DMD: variants seen among roughly 807,000 people sequenced by gnomAD.
DMD encodes the protein mutant dystrophin.
Under a neutral mutation model 330.1 loss-of-function variants are expected in DMD, and 63 were observed. The ratio of observed to expected loss-of-function variants is 0.19; its 90% confidence interval spans 0.16 to 0.24. DMD has a LOEUF of 0.24. DMD is among the 10% of genes least tolerant of loss of function. DMD has a pLI of 1.00. For synonymous variants in DMD, 1,223 were observed against 959.8 expected, an observed-to-expected ratio of 1.27 and a Z score of -5.07; for missense variants, 3,344 against 2,684.1, an observed-to-expected ratio of 1.25 and a Z score of -5.43.
In DMD at chrX:31,321,637, A is replaced by G. The variant is rs1051904383; in HGVS notation, c.9224+1961T>C. On this transcript the variant is annotated intron_variant, in intron 62 of 78. Coordinates refer to ENST00000357033, the MANE Select transcript of DMD (RefSeq NM_004006.3). ...AAAGAAACCAAGATTTTTATAGGTT[A>G]AGTGACTTGCCTAAAGCCATACAGT... is the stretch of plus-strand genomic sequence containing the variant. Among the ~76,000 whole-genome samples, 6 of 91,207 alleles carry G rather than the reference A, an allele frequency of 6.6e-5. 1 individual carries two copies. Among genetic ancestry groups the G allele is most frequent in the Admixed American group, 5.5e-4 (5 of 9,153 alleles). 79.2% of individuals were successfully genotyped at this position (91,207 alleles called of 115,157 possible).
chrX:32,076,104 G>A (rs1466023974), intron 44 of DMD, among the ~76,000 whole-genome samples: 1 of 87,738 alleles, frequency 1.1e-5, no homozygotes, highest in Admixed American at 1.4e-4. Flanking sequence ...GAGAGAGAGA[G>A]AGAAGTTATT....
At chrX:31,122,395 A>G (rs943610518) in intron 78 of DMD, among the ~76,000 whole-genome samples, 5 of 110,455 alleles carry the variant, frequency 4.5e-5, no homozygotes, top group African/African-American at 1.6e-4. Flanking sequence ...CACCACCTTC[A>G]CAACTACCAC....
intron 2 of DMD, among the ~76,000 whole-genome samples, chrX:32,886,794 T>C (rs928022270): frequency 8.9e-6 from 1 of 112,055 alleles, no homozygotes. Context: ...AAAAACTAAA[T>C]GCCTAACTTT....
At chrX:31,223,895 T>C (rs67470011) in intron 63 of DMD, among the ~76,000 whole-genome samples, 19,348 of 112,117 alleles carry the variant, frequency 0.17, 1,733 homozygotes, top group African/African-American at 0.35. Flanking sequence ...AGGAATAAAA[T>C]AAACATTTGG....
intron 2 of DMD, among the ~76,000 whole-genome samples, chrX:32,890,066 C>A (rs1439237818): frequency 5.4e-5 from 6 of 111,460 alleles, no homozygotes; most frequent in African/African-American, 2.0e-4. Context: ...CATGTAGATC[C>A]TTATGTGGGG....
chrX:33,292,374 T>C (rs867453353), intron 1 of DMD, among the ~76,000 whole-genome samples: 10 of 111,927 alleles, frequency 8.9e-5, no homozygotes, highest in South Asian at 3.6e-4. Flanking sequence ...AACAGAAATG[T>C]ATCAATGAAA....
At chrX:33,110,496 G>A (rs1489506695) in intron 1 of DMD, among the ~76,000 whole-genome samples, 1 of 111,210 alleles carries the variant, frequency 9.0e-6, no homozygotes, top group Admixed American at 9.6e-5. Flanking sequence ...GTAGTGATTA[G>A]TATACTAACC....
At chrX:31,823,076 T>C (rs1037618526) in intron 49 of DMD, among the ~76,000 whole-genome samples, 2 of 112,094 alleles carry the variant, frequency 1.8e-5, no homozygotes, top group African/African-American at 6.5e-5. Flanking sequence ...CCCCAGCCAA[T>C]GGGGGGAAAG....
intron 45 of DMD, 23 bp from the exon 46 acceptor site, chrX:31,932,250 G>A: frequency 8.7e-7 from 1 of 1,148,383 alleles, no homozygotes; most frequent in Non-Finnish European, 1.2e-6. Context: ...GAATAAAATT[G>A]TTATTTTTTT....
chrX:32,434,980 A>C (rs2148159224), intron 29 of DMD, among the ~76,000 whole-genome samples: 2 of 107,651 alleles, frequency 1.9e-5, no homozygotes, highest in South Asian at 8.5e-4. Context: ...ATATAAACAC[A>C]GCTAGGACTG....
At chrX:32,687,969 A>C (rs1167243896) in intron 9 of DMD, among the ~76,000 whole-genome samples, 1 of 111,698 alleles carries the variant, frequency 9.0e-6, no homozygotes, top group East Asian at 2.8e-4. Context: ...AAAAATAATA[A>C]AACATAAAAA....
chrX:31,562,274 A>G (rs1302546875), intron 55 of DMD, among the ~76,000 whole-genome samples: 2 of 112,011 alleles, frequency 1.8e-5, no homozygotes, highest in Non-Finnish European at 3.8e-5. Flanking sequence ...CAAAATACAC[A>G]TCCTCTACAT....
intron 7 of DMD, among the ~76,000 whole-genome samples, chrX:32,741,783 T>C (rs1032858112): frequency 4.5e-5 from 5 of 112,022 alleles, no homozygotes; most frequent in African/African-American, 1.6e-4. Context: ...TTGAGTTGTA[T>C]ACTTTAAACA....
intron 11 of DMD, among the ~76,000 whole-genome samples, chrX:32,616,699 TTTTTTTTTTTTTTTTTC>T (rs752232877): frequency 0.017 from 1,519 of 87,835 alleles, 30 homozygotes; most frequent in African/African-American, 0.083. Context: ...CCTTTTTTTT[TTTTTTTTTTTTTTTTTC>T]TTTAAAGAAT....
At chrX:32,051,477 T>C (rs1326618157) in intron 44 of DMD, among the ~76,000 whole-genome samples, 1 of 110,447 alleles carries the variant, frequency 9.1e-6, no homozygotes, top group Non-Finnish European at 1.9e-5. Context: ...ATAAATAATT[T>C]AGAAAACTAA....
At chrX:31,756,026 C>CAG (rs1297590791) in intron 51 of DMD, among the ~76,000 whole-genome samples, 2 of 111,031 alleles carry the variant, frequency 1.8e-5, no homozygotes, top group Admixed American at 1.9e-4. Flanking sequence ...GAGAGAGACA[C>CAG]AGAGAGAGAG....
At chrX:32,199,124 T>C (rs1022390121) in intron 44 of DMD, among the ~76,000 whole-genome samples, 58 of 112,401 alleles carry the variant, frequency 5.2e-4, no homozygotes, top group African/African-American at 1.8e-3. Context: ...TTCATTACAC[T>C]GCATTCTCAC....
chrX:32,976,688 G>A (rs1013889010), intron 2 of DMD, among the ~76,000 whole-genome samples: 1 of 111,542 alleles, frequency 9.0e-6, no homozygotes, highest in Non-Finnish European at 1.9e-5. Context: ...ATTTCGAGCT[G>A]TCTACTTCTG....
At chrX:31,396,283 G>A (rs1404381584) in intron 60 of DMD, among the ~76,000 whole-genome samples, 3 of 109,977 alleles carry the variant, frequency 2.7e-5, no homozygotes, top group Non-Finnish European at 3.8e-5. Flanking sequence ...GACTACAGGC[G>A]CCCGCAACCA....
Sources: gnomAD v4.1 joint callset for allele counts (sites outside exome capture counted in the v4.1 genomes callset) on GRCh38, gnomAD v4.1.1 for gene constraint, MANE v1.5 for transcripts, NCBI Gene and HGNC (gene_info 2026-07-23, HGNC 2026-07-21) for gene names.